MTMR4: variants seen among roughly 807,000 people sequenced by gnomAD.
The protein encoded by MTMR4 is myotubularin related protein 4, also known as phosphatidylinositol-3,5-bisphosphate 3-phosphatase MTMR4.
Under a neutral mutation model 125.5 loss-of-function variants are expected in MTMR4, and 30 were observed. That is an observed-to-expected ratio of 0.24 (90% CI 0.18 to 0.32). The LOEUF is 0.32. MTMR4 is among the 10% of genes least tolerant of loss of function. The pLI is 1.00. For missense variants in MTMR4, 1,039 were observed against 1,511.5 expected, an observed-to-expected ratio of 0.69 and a Z score of 5.18; for synonymous variants, 498 against 564.5, an observed-to-expected ratio of 0.88 and a Z score of 1.67.
Position 58,512,599 on chromosome 17 carries a change from G to T in MTMR4, c.136-93C>A. The T allele has an allele frequency of 9.3e-7, 1 of 1,080,300 alleles. No homozygotes were observed. Among genetic ancestry groups the T allele is most frequent in the Non-Finnish European group, 1.4e-6 (1 of 709,694 alleles). The allele number at this position is 1,080,300 out of a possible 1,614,324, so 66.9% of individuals were successfully genotyped here. A position where few individuals can be genotyped will look rare whatever the true frequency, so the allele number is the denominator to read the frequency against. ...GATCTGTGGGATCCCCTCTGGAAAA[G>T]GTGGGCCAAGGCAAGAGAGGAGAGT... On this transcript the variant is annotated intron_variant, in intron 2 of 17. Transcript: ENST00000682306. This position sits in a 1 kb window ranked among gnomAD's most constrained non-coding sequence, Gnocchi z 4.1.
intron 8 of MTMR4, 25 bp from the exon 9 acceptor site, chr17:58,506,896 C>T: frequency 3.7e-6 from 6 of 1,603,552 alleles, no homozygotes; most frequent in Non-Finnish European, 5.1e-6. Context: ...GGAAGGAGTC[C>T]CTGAGTCAGC....
At chr17:58,511,607 G>T (rs1358164743) in intron 3 of MTMR4, 96 bp from the exon 4 acceptor site, 1 of 1,008,288 alleles carries the variant, frequency 9.9e-7, no homozygotes, top group Admixed American at 2.1e-5. Context: ...ATAGCAGGAA[G>T]GAAACCAACA....
intron 10 of MTMR4, among the ~76,000 whole-genome samples, 178 bp downstream of exon 10, chr17:58,505,294 G>A (rs760386818): frequency 3.9e-5 from 6 of 152,182 alleles, no homozygotes; most frequent in African/African-American, 1.2e-4. Context: ...CTGTGACCAC[G>A]CCAAAGTGTT....
chr17:58,511,998 T>A (rs1975943585), intron 3 of MTMR4, among the ~76,000 whole-genome samples: 3 of 151,882 alleles, frequency 2.0e-5, no homozygotes, highest in Admixed American at 2.0e-4. Flanking sequence ...TTTTTTTTTA[T>A]TTTTTTGAGA....
In MTMR4 at chr17:58,512,923, TG is replaced by T; in HGVS notation, c.63del (p.Ser22AlafsTer16). The stretch of plus-strand genomic sequence containing the variant: ...TCCTTGGCTTGGATGTACTCCAGGC[TG>T]GGGGGCCCCTCCTCACCCTGTAGGA... The part of the protein sequence containing the change: ...MLSCFGEEGP[P>X]SLEYIQAKDL... On this transcript the variant is annotated frameshift_variant, in exon 2 of 18. Transcript: ENST00000682306. LOFTEE classifies it high-confidence loss of function. The surrounding 1 kb of genome is among the most constrained non-coding windows in gnomAD (Gnocchi z 4.1). The T allele has an allele frequency of 1.2e-6, 2 of 1,610,604 alleles. No homozygotes were observed. The highest frequency in any genetic ancestry group is 8.5e-7 in the Non-Finnish European group (1 of 1,178,832).
intron 14 of MTMR4, among the ~76,000 whole-genome samples, chr17:58,500,690 C>T (rs998449638): frequency 7.2e-6 from 1 of 138,172 alleles, no homozygotes; most frequent in Non-Finnish European, 1.5e-5. Flanking sequence ...GCGGAGGTTG[C>T]AGTGAGCCAA....
chr17:58,495,204 G>C lies in MTMR4; in HGVS notation c.2980C>G (p.Gln994Glu). 6.2e-7 allele frequency: 1 copy of C among 1,614,174 alleles called. No individual in the cohort carries two copies. Among genetic ancestry groups the C allele is most frequent in the Non-Finnish European group, 8.5e-7 (1 of 1,180,036 alleles). ...TTTGGATGACTGGACAACCACATCTGGTTCTTTCCTCCTGGGCCAGTACAA... is the reference window on the plus strand; with the variant it reads ...TTTGGATGACTGGACAACCACATCTCGTTCTTTCCTCCTGGGCCAGTACAA... ...GHCTGPGGKN[Q>E]MWLSSHPKQV... is the part of the protein sequence containing the mutation. The change falls in exon 15 of 18, where the codon CAG (glutamine) becomes GAG (glutamate). Residue 994 changes from glutamine (Q) to glutamate (E), a missense_variant. By Grantham distance (29) the Gln-to-Glu change is conservative (BLOSUM62 2). Coordinates refer to ENST00000682306, the MANE Select transcript of MTMR4 (RefSeq NM_001378067.1).
At chr17:58,505,106 T>C in intron 10 of MTMR4, 132 bp from the exon 11 acceptor site, 1 of 841,708 alleles carries the variant, frequency 1.2e-6, no homozygotes, top group Non-Finnish European at 1.8e-6. Context: ...ACCCAGGGCC[T>C]TTTGGACAAG....
intron 15 of MTMR4, among the ~76,000 whole-genome samples, chr17:58,494,077 G>A (rs1400860199): frequency 6.6e-6 from 1 of 152,126 alleles, no homozygotes; most frequent in Non-Finnish European, 1.5e-5. Flanking sequence ...CACTTTGGGA[G>A]GCCGAGGTGG....
chr17:58,493,016 G>T, intron 15 of MTMR4, 64 bp from the exon 16 acceptor site: 1 of 1,323,858 alleles, frequency 7.6e-7, no homozygotes, highest in Non-Finnish European at 1.1e-6. Context: ...TTTACCATGT[G>T]TCAGGCACTG....
chr17:58,507,363 C>T, intron 7 of MTMR4, 44 bp from the exon 8 acceptor site: 1 of 1,575,458 alleles, frequency 6.3e-7, no homozygotes, highest in South Asian at 1.1e-5. Flanking sequence ...CATTCGAAGC[C>T]TCCAGAGGCC....
Position 58,504,998 on chromosome 17 carries a change from C to T in MTMR4, c.1146-24G>A, listed in dbSNP as rs762277221. The T allele has an allele frequency of 3.7e-5, 59 of 1,576,202 alleles. 1 individual carries two copies. Among genetic ancestry groups the T allele is most frequent in the Non-Finnish European group, 4.7e-5 (54 of 1,159,024 alleles). On this transcript the variant is annotated intron_variant, in intron 10 of 17. Coordinates refer to ENST00000682306, the MANE Select transcript of MTMR4 (RefSeq NM_001378067.1). This position sits in a 1 kb window ranked among gnomAD's most constrained non-coding sequence, Gnocchi z 7.1. The stretch of plus-strand genomic sequence containing the variant: ...AGCTACACAAAAGCAGACATCAAGT[C>T]GGTCACAAAGGGTGCTGAGGCCACA...
rs1211199010 is a variant in MTMR4 at position 58,514,530 on chromosome 17, T to G, written c.-123A>C. The G allele has an allele frequency of 3.4e-5, 33 of 985,074 alleles. No individual in the cohort carries two copies. The East Asian group carries it at 3.2e-3, about 95-fold the overall frequency. The allele number at this position is 985,074 out of a possible 1,614,324, so 61.0% of individuals were successfully genotyped here. ...GGTGCAGCCGCGGCGGCCAAGAGGC[T>G]AGGGCGCTGGTGGCCGGGCCTCCGC... On this transcript the variant is annotated 5_prime_UTR_variant, in exon 1 of 18. Transcript: ENST00000682306.
In MTMR4 at chr17:58,495,365, C is replaced by T. The variant is rs374470605; in HGVS notation, c.2819G>A (p.Arg940Gln). ...GCTACAACAGCCATAGGAAAGCAGCCGCCGAGGGGTGGCCTCCCCACTTGG... is the reference window on the plus strand; with the variant it reads ...GCTACAACAGCCATAGGAAAGCAGCTGCCGAGGGGTGGCCTCCCCACTTGG... The part of the protein sequence containing the change: ...SFPSGEATPR[R>Q]LLSYGCCSKR... Residue 940 changes from arginine (R) to glutamine (Q), a missense_variant, in exon 15 of 18, where the codon CGG (arginine) becomes CAG (glutamine). Physicochemically the swap from Arg to Gln is conservative, Grantham distance 43 (BLOSUM62 1). Around this residue, in one of 6 missense-constraint regions of MTMR4, gnomAD observed 619 missense variants for 714.5 expected, o/e 0.87. Coordinates refer to ENST00000682306, the MANE Select transcript of MTMR4 (RefSeq NM_001378067.1). The T allele has an allele frequency of 4.0e-5, 65 of 1,614,068 alleles. No individual in the cohort carries two copies. Among genetic ancestry groups the T allele is most frequent in the East Asian group, 1.6e-4 (7 of 44,894 alleles).
chr17:58,496,982 T>C (rs1440794832), intron 14 of MTMR4, among the ~76,000 whole-genome samples: 2 of 152,218 alleles, frequency 1.3e-5, no homozygotes, highest in Non-Finnish European at 2.9e-5. Context: ...TTAGCAGCAG[T>C]GTGCTCCTCT....
At chr17:58,513,804 G>A (rs975042415) in intron 1 of MTMR4, among the ~76,000 whole-genome samples, 9 of 152,022 alleles carry the variant, frequency 5.9e-5, no homozygotes, top group Non-Finnish European at 1.2e-4. Flanking sequence ...CGGGAGGAGG[G>A]GAGGACCGGG....
intron 14 of MTMR4, among the ~76,000 whole-genome samples, chr17:58,501,035 G>A (rs746076406): frequency 3.9e-5 from 6 of 151,914 alleles, no homozygotes; most frequent in Non-Finnish European, 7.4e-5. Context: ...CTATGAACCT[G>A]TAGCCAAATT....
At position 58,495,302 on chromosome 17, in the gene MTMR4, G is replaced by T; in HGVS notation, c.2882C>A (p.Pro961His). Reference sequence around the variant, plus strand: ...CTGAGCCCACTGGCCCCCAAAGCAGGGCCCTGTGGCCCGCATCTGCTTACT... The same window carrying T: ...CTGAGCCCACTGGCCCCCAAAGCAGTGCCCTGTGGCCCGCATCTGCTTACT... ...PNSKQMRATG[P>H]CFGGQWAQRE... Residue 961 changes from proline to histidine, a missense_variant, in exon 15 of 18, where the codon CCC (proline) becomes CAC (histidine). Coordinates refer to ENST00000682306, the MANE Select transcript of MTMR4 (RefSeq NM_001378067.1). 6.2e-7 allele frequency: 1 copy of T among 1,614,196 alleles called. No homozygotes were observed. Among genetic ancestry groups the T allele is most frequent in the South Asian group, 1.1e-5 (1 of 91,086 alleles).
At position 58,512,556 on chromosome 17, in the gene MTMR4, T is replaced by A. The variant is rs1390626957; in HGVS notation, c.136-50A>T. On this transcript the variant is annotated intron_variant, in intron 2 of 17. Transcript: ENST00000682306. This position sits in a 1 kb window ranked among gnomAD's most constrained non-coding sequence, Gnocchi z 4.1. ...AGTCCAGAAGTGAGTGACCACCTTA[T>A]CCTCTTCTACAGCCCCTGATCTGTG... 1.4e-6 allele frequency: 2 copies of A among 1,426,840 alleles called. No individual in the cohort carries two copies. The highest frequency in any genetic ancestry group is 1.4e-5 in the African/African-American group (1 of 71,372). 88.4% of individuals were successfully genotyped at this position (1,426,840 alleles called of 1,614,324 possible).
Sources: allele counts gnomAD v4.1 joint callset (sites outside exome capture counted in the v4.1 genomes callset), GRCh38; gene constraint gnomAD v4.1.1; regional missense constraint gnomAD v4.1.1; non-coding constraint Gnocchi (gnomAD v3.1); transcripts MANE v1.5; gene names NCBI Gene and HGNC (gene_info 2026-07-23, HGNC 2026-07-21).